Variants in MDM4 observed in about 807,000 individuals in gnomAD.
The protein encoded by MDM4 is protein Mdm4.
A neutral mutation model predicts 60.2 loss-of-function variants in MDM4; 2 were observed. The ratio of observed to expected loss-of-function variants is 0.03; its 90% CI spans 0.01 to 0.10. MDM4 has a LOEUF of 0.10. MDM4 is among the 10% of genes least tolerant of loss of function. The probability of loss-of-function intolerance (pLI) is 1.00; values close to 1 mark genes in which losing one functional copy is unlikely to be tolerated. For synonymous variants in MDM4, 202 were observed against 198.1 expected (o/e 1.02, Z -0.17); for missense variants, 447 against 577.5 (o/e 0.77, Z 2.32).
chr1:204,527,767 A>G (rs4252686), intron 3 of MDM4, among the ~76,000 whole-genome samples: 86,780 of 151,962 alleles, frequency 0.57, 27,450 homozygotes, highest in Non-Finnish European at 0.69. Flanking sequence ...CTTTAAGTGG[A>G]AAAGACTCAG....
chr1:204,530,550 T>G, intron 3 of MDM4, 134 bp from the exon 4 acceptor site: 1 of 1,165,380 alleles, frequency 8.6e-7, no homozygotes, highest in Non-Finnish European at 1.2e-6. Context: ...GTAGGACCCC[T>G]TACACAAACT....
chr1:204,539,005 G>A (rs1297847196), intron 7 of MDM4, among the ~76,000 whole-genome samples: 1 of 152,076 alleles, frequency 6.6e-6, no homozygotes, highest in African/African-American at 2.4e-5. Flanking sequence ...GAGTAGCTGG[G>A]ATTACAGGCG....
Position 204,533,769 on chromosome 1 carries a change from T to G in MDM4, c.343+1523T>G, listed in dbSNP as rs144084995. Among the ~76,000 whole-genome samples the G allele has an allele frequency of 7.5e-5, 11 of 146,598 alleles. 1 individual carries two copies. Among genetic ancestry groups the G allele is most frequent in the African/African-American group, 2.7e-4 (11 of 41,114 alleles). ...CATTCCTTTTTATCTTTTTCTTTCT[T>G]TCTTTTCTTTTTCTTTTTTTTTTTT... On this transcript the variant is annotated intron_variant, in intron 5 of 10. Coordinates refer to ENST00000367182, the MANE Select transcript of MDM4 (RefSeq NM_002393.5).
At position 204,527,643 on chromosome 1, in the gene MDM4, CA is replaced by C. The variant is rs55900130; in HGVS notation, c.153+1225del. Among the ~76,000 whole-genome samples, 242 of 109,436 alleles carry C rather than the reference CA, an allele frequency of 2.2e-3. 1 individual carries two copies. The highest frequency in any genetic ancestry group is 4.8e-3 in the Middle Eastern group (1 of 210). The allele number at this position is 109,436 out of a possible 152,430, so 71.8% of individuals were successfully genotyped here. A position where few individuals can be genotyped will look rare whatever the true frequency, so the allele number is the denominator to read the frequency against. ...GGGCAACAAGAGTGAAACTCCATCTCAAAAAAAAAAAAAAAAGTGTCAGACA... is the reference window on the plus strand; with the variant it reads ...GGGCAACAAGAGTGAAACTCCATCTCAAAAAAAAAAAAAAAGTGTCAGACA... On this transcript the variant is annotated intron_variant, in intron 3 of 10. Transcript: ENST00000367182.
In MDM4 at chr1:204,551,125, C is replaced by T. The variant is rs909761123; in HGVS notation, c.*1443C>T. ...TGGCACAATCACAGTTCACTGCAGCCTCGACCTCCCAGATCCAAGCAATCC... is the reference window on the plus strand; with the variant it reads ...TGGCACAATCACAGTTCACTGCAGCTTCGACCTCCCAGATCCAAGCAATCC... On this transcript the variant is annotated 3_prime_UTR_variant, in exon 11 of 11. Coordinates refer to ENST00000367182, the MANE Select transcript of MDM4 (RefSeq NM_002393.5). The T allele has an allele frequency of 2.1e-5, 4 of 190,192 alleles. No homozygotes were observed. Among genetic ancestry groups the T allele is most frequent in the Admixed American group, 6.2e-5 (1 of 16,236 alleles). The allele number at this position is 190,192 out of a possible 1,614,324, so 11.8% of individuals were successfully genotyped here.
chr1:204,534,610 C>T (rs943241835), intron 5 of MDM4, among the ~76,000 whole-genome samples: 30 of 152,270 alleles, frequency 2.0e-4, no homozygotes, highest in African/African-American at 7.0e-4. Context: ...ACCTCAGCCT[C>T]CTCAGTAGCT....
At chr1:204,526,262 CAA>C in intron 2 of MDM4, 96 bp from the exon 3 acceptor site, 1 of 1,071,698 alleles carries the variant, frequency 9.3e-7, no homozygotes, top group Non-Finnish European at 1.4e-6. Flanking sequence ...CCTCAAAAAA[CAA>C]AAGCGGGGGG....
intron 10 of MDM4, 78 bp from the exon 11 acceptor site, chr1:204,549,035 A>G (rs1426538357): frequency 3.4e-6 from 3 of 892,518 alleles, no homozygotes; most frequent in African/African-American, 1.7e-5. Context: ...GAGGATGTGA[A>G]TGAATTTGAC....
In MDM4 at chr1:204,524,194, A is replaced by G. The variant is rs555879495; in HGVS notation, c.-35-1290A>G. On this transcript the variant is annotated intron_variant, in intron 1 of 10. Coordinates refer to ENST00000367182, the MANE Select transcript of MDM4 (RefSeq NM_002393.5). ...AAGAACAGGGGAGCTGAACATACAG[A>G]TACATTGGTTTTTTGGAGAGCATCT... is the stretch of plus-strand genomic sequence containing the variant. 3.3e-5 allele frequency among the ~76,000 whole-genome samples: 5 copies of G among 152,326 alleles called. No individual in the cohort carries two copies. In the East Asian group the frequency reaches 5.8e-4, roughly 18 times the overall value.
Position 204,544,516 on chromosome 1 carries a change from T to C in MDM4, c.673-19T>C, listed in dbSNP as rs1178243165. The C allele has an allele frequency of 2.1e-5, 34 of 1,590,314 alleles. No individual in the cohort carries two copies. The highest frequency in any genetic ancestry group is 2.9e-5 in the Non-Finnish European group (34 of 1,164,922). On this transcript the variant is annotated intron_variant, in intron 8 of 10. Transcript: ENST00000367182. ...AAACCTCTGAATACAGAAACTCATG[T>C]TTGTTTTTTTTCTGTTAGGATGTGG...
chr1:204,529,085 T>C (rs539523310), intron 3 of MDM4: 2 of 1,413,280 alleles, frequency 1.4e-6, no homozygotes, highest in African/African-American at 2.8e-5. Flanking sequence ...GCTGCAGCTC[T>C]GTGTAGCTAA....
At chr1:204,526,498 C>A in intron 3 of MDM4, 64 bp downstream of exon 3, 1 of 1,236,116 alleles carries the variant, frequency 8.1e-7, no homozygotes, top group Admixed American at 2.3e-5. Context: ...GAGTCTCCCT[C>A]TTTTGCCCAG....
At chr1:204,542,567 T>C (rs1662214768) in intron 7 of MDM4, among the ~76,000 whole-genome samples, 1 of 152,120 alleles carries the variant, frequency 6.6e-6, no homozygotes, top group African/African-American at 2.4e-5. Flanking sequence ...TGATAAACGA[T>C]GATCTGTTTG....
At position 204,546,869 on chromosome 1, in the gene MDM4, A is replaced by G; in HGVS notation, c.895A>G (p.Thr299Ala). Residue 299 changes from threonine to alanine, a missense_variant, in exon 10 of 11, where the codon ACC (threonine) becomes GCC (alanine). Thr to Ala is a moderately conservative substitution (Grantham distance 58). This residue lies in a region of MDM4 where 21 missense variants were observed against 46.7 expected (regional missense o/e 0.45). Coordinates refer to ENST00000367182, the MANE Select transcript of MDM4 (RefSeq NM_002393.5). ...AAGTGATGATACCGATGTAGAGGTTACCTCTGAGGTATGAATCTTTAGCAA... is the reference window on the plus strand; with the variant it reads ...AAGTGATGATACCGATGTAGAGGTTGCCTCTGAGGTATGAATCTTTAGCAA... ...SLSDDTDVEV[T>A]SEDEWQCTEC... 6.2e-7 allele frequency: 1 copy of G among 1,604,388 alleles called. No homozygotes were observed.
chr1:204,545,181 G>C (rs1278149347), intron 9 of MDM4, among the ~76,000 whole-genome samples: 2 of 152,174 alleles, frequency 1.3e-5, no homozygotes, highest in African/African-American at 4.8e-5. Context: ...GGACACCCCT[G>C]TTGTAAATGA....
chr1:204,517,457 G>T (rs1165293650), intron 1 of MDM4, among the ~76,000 whole-genome samples: 1 of 151,878 alleles, frequency 6.6e-6, no homozygotes, highest in Non-Finnish European at 1.5e-5. Flanking sequence ...AGGCTGGCGT[G>T]CAGTGGCGCG....
At position 204,552,957 on chromosome 1, in the gene MDM4, C is replaced by A. The variant is rs1281511267; in HGVS notation, c.*3275C>A. The A allele has an allele frequency of 6.2e-6, 1 of 162,448 alleles. No homozygotes were observed. Among genetic ancestry groups the A allele is most frequent in the Non-Finnish European group, 1.3e-5 (1 of 74,914 alleles). The allele number at this position is 162,448 out of a possible 1,614,324, so 10.1% of individuals were successfully genotyped here. A position where few individuals can be genotyped will look rare whatever the true frequency, so the allele number is the denominator to read the frequency against. On this transcript the variant is annotated 3_prime_UTR_variant, in exon 11 of 11. Transcript: ENST00000367182. ...GTGGAGTGATCTCGGCTCACTGCAA[C>A]CTCTGCCTCCCGGGTTCAAATGATT... is the stretch of plus-strand genomic sequence containing the variant.
At chr1:204,520,585 T>G (rs1659475759) in intron 1 of MDM4, among the ~76,000 whole-genome samples, 1 of 152,072 alleles carries the variant, frequency 6.6e-6, no homozygotes, top group African/African-American at 2.4e-5. Flanking sequence ...GGAAGATTAT[T>G]GCGTTAAAAA....
At position 204,551,327 on chromosome 1, in the gene MDM4, T is replaced by C. The variant is rs146110039; in HGVS notation, c.*1645T>C. The C allele has an allele frequency of 3.5e-3, 808 of 231,436 alleles. 3 individuals carry two copies. Among genetic ancestry groups the C allele is most frequent in the African/African-American group, 0.014 (648 of 45,320 alleles). 14.3% of individuals were successfully genotyped at this position (231,436 alleles called of 1,614,324 possible). A position where few individuals can be genotyped will look rare whatever the true frequency, so the allele number is the denominator to read the frequency against. ...TCTCAAAGTGCTAGGATTGCAGTCC[T>C]GAGCTACTGCCCCCTACCCTCTTTG... On this transcript the variant is annotated 3_prime_UTR_variant, in exon 11 of 11. Coordinates refer to ENST00000367182, the MANE Select transcript of MDM4 (RefSeq NM_002393.5).
Sources: allele counts gnomAD v4.1 joint callset (sites outside exome capture counted in the v4.1 genomes callset), GRCh38; gene constraint gnomAD v4.1.1; regional missense constraint gnomAD v4.1.1; transcripts MANE v1.5; gene names NCBI Gene and HGNC (gene_info 2026-07-23, HGNC 2026-07-21).